The following MCC variants were observed in gnomAD, a reference collection of about 807,000 sequenced individuals.
MCC encodes the protein MCC regulator of Wnt signaling pathway.
In MCC, 90 loss-of-function variants were observed where a neutral mutation model predicts 116.2. That is an observed-to-expected ratio of 0.77 (90% CI 0.65 to 0.92). The LOEUF (loss-of-function observed/expected upper bound fraction) is 0.92. Among genes scored for constraint, MCC ranks in the 40% least tolerant of loss-of-function variants. The pLI, the probability that MCC is intolerant of heterozygous loss-of-function variation, is 0.00. For synonymous variants in MCC, 578 were observed against 510.5 expected (o/e 1.13, Z -1.78); for missense variants, 1,516 against 1,312.2 (o/e 1.16, Z -2.40).
chr5:113,408,503 T>G (rs1769896943), intron 1 of MCC, among the ~76,000 whole-genome samples: 1 of 152,210 alleles, frequency 6.6e-6, no homozygotes, highest in Non-Finnish European at 1.5e-5. Context: ...TGAATTATCC[T>G]CACTGGCCTG....
At chr5:113,249,642 G>A (rs1764718120) in intron 3 of MCC, among the ~76,000 whole-genome samples, 1 of 152,120 alleles carries the variant, frequency 6.6e-6, no homozygotes, top group Non-Finnish European at 1.5e-5. Context: ...AAATCTGGCT[G>A]TCTCTGTATA....
chr5:113,400,089 T>C (rs535852523), intron 1 of MCC: 1 of 152,050 alleles, frequency 6.6e-6, no homozygotes, highest in Non-Finnish European at 1.5e-5. Flanking sequence ...TTACTCTTTA[T>C]TGTTTTGGCC....
At chr5:113,161,037 A>C (rs1285968984) in intron 3 of MCC, among the ~76,000 whole-genome samples, 15 of 152,370 alleles carry the variant, frequency 9.8e-5, no homozygotes, top group African/African-American at 3.4e-4. Context: ...TTTCCTATAC[A>C]AATATTGTAA....
At position 113,027,084 on chromosome 5, in the gene MCC, G is replaced by T. The variant is rs2150204569; in HGVS notation, c.*218C>A. 1.8e-6 allele frequency: 1 copy of T among 561,272 alleles called. No individual in the cohort carries two copies. The highest frequency in any genetic ancestry group is 2.4e-5 in the South Asian group (1 of 41,558). The allele number at this position is 561,272 out of a possible 1,614,324, so 34.8% of individuals were successfully genotyped here. On this transcript the variant is annotated 3_prime_UTR_variant, in exon 19 of 19. Transcript: ENST00000408903. ...AACATGTGTTTACACGCTGTTGTGG[G>T]CCCAGGAGGGAAGAGCGGGCACCTC...
intron 3 of MCC, among the ~76,000 whole-genome samples, chr5:113,333,789 T>TTA (rs754947221): frequency 0.011 from 110 of 10,068 alleles, no homozygotes; most frequent in Middle Eastern, 0.17. Flanking sequence ...TCATATATAT[T>TTA]TATATATATA....
At chr5:113,388,582 C>CTGA (rs1769328964) in intron 1 of MCC, among the ~76,000 whole-genome samples, 1 of 152,168 alleles carries the variant, frequency 6.6e-6, no homozygotes, top group Non-Finnish European at 1.5e-5. Context: ...ACCTCCTCCC[C>CTGA]CACCTTGCTC....
At chr5:113,037,174 G>C (rs890835241) in intron 17 of MCC, among the ~76,000 whole-genome samples, 1 of 152,170 alleles carries the variant, frequency 6.6e-6, no homozygotes, top group Non-Finnish European at 1.5e-5. Flanking sequence ...CCCACTCTTT[G>C]TGTGGCTCAA....
At chr5:113,254,448 T>C (rs1000441485) in intron 3 of MCC, among the ~76,000 whole-genome samples, 1 of 152,182 alleles carries the variant, frequency 6.6e-6, no homozygotes, top group Non-Finnish European at 1.5e-5. Context: ...TCAAAAAGTT[T>C]GTATAATCAA....
intron 3 of MCC, among the ~76,000 whole-genome samples, chr5:113,334,611 G>A: frequency 1.3e-5 from 1 of 77,310 alleles, no homozygotes; most frequent in East Asian, 2.5e-4. Context: ...TTTTTTTTGA[G>A]ATGCAGTCTC....
chr5:113,361,907 A>T (rs1768557951), intron 2 of MCC, among the ~76,000 whole-genome samples: 1 of 152,110 alleles, frequency 6.6e-6, no homozygotes, highest in South Asian at 2.1e-4. Flanking sequence ...TTGGACTTGG[A>T]CTGAGAGTTA....
At chr5:113,137,432 T>C (rs1439224307) in intron 5 of MCC, among the ~76,000 whole-genome samples, 1 of 152,232 alleles carries the variant, frequency 6.6e-6, no homozygotes, top group Non-Finnish European at 1.5e-5. Context: ...CAAATGCTTT[T>C]CTGTCATCTA....
At chr5:113,277,772 T>A (rs1765883843) in intron 3 of MCC, among the ~76,000 whole-genome samples, 1 of 152,216 alleles carries the variant, frequency 6.6e-6, no homozygotes, top group African/African-American at 2.4e-5. Context: ...GATATTGGCA[T>A]CTACTGTGGA....
intron 5 of MCC, among the ~76,000 whole-genome samples, chr5:113,140,160 C>T (rs1447488871): frequency 6.6e-6 from 1 of 152,150 alleles, no homozygotes; most frequent in Non-Finnish European, 1.5e-5. Flanking sequence ...CTACTTATCT[C>T]TTTGGGACAT....
At chr5:113,115,640 T>C (rs7703001) in intron 6 of MCC, among the ~76,000 whole-genome samples, 144,057 of 152,038 alleles carry the variant, frequency 0.95, 68,663 homozygotes, top group East Asian at 1. Context: ...TAACTCCTAG[T>C]CATCCACCTC....
At chr5:113,133,012 T>G (rs58531861) in intron 5 of MCC, among the ~76,000 whole-genome samples, 15,069 of 152,134 alleles carry the variant, frequency 0.099, 1,008 homozygotes, top group African/African-American at 0.17. Flanking sequence ...TTCTTTTTTT[T>G]TTGTTTTTAC....
chr5:113,082,275 C>G (rs758328380), intron 11 of MCC, among the ~76,000 whole-genome samples: 1 of 152,240 alleles, frequency 6.6e-6, no homozygotes, highest in East Asian at 1.9e-4. Flanking sequence ...AGACTGAGCA[C>G]ATTTGCGAAG....
chr5:113,398,556 AC>A (rs1168360948), intron 1 of MCC, among the ~76,000 whole-genome samples: 1 of 152,208 alleles, frequency 6.6e-6, no homozygotes, highest in Non-Finnish European at 1.5e-5. Flanking sequence ...GAGGCCATTA[AC>A]CCAAGTGAAT....
intron 17 of MCC, among the ~76,000 whole-genome samples, chr5:113,037,818 G>A (rs1215860702): frequency 1.3e-5 from 2 of 152,164 alleles, no homozygotes; most frequent in East Asian, 1.9e-4. Flanking sequence ...ATAAAGCAAA[G>A]GGTGTGCTCT....
intron 3 of MCC, among the ~76,000 whole-genome samples, chr5:113,186,335 T>C (rs76906196): frequency 6.6e-6 from 1 of 152,106 alleles, no homozygotes; most frequent in South Asian, 2.1e-4. Context: ...ATTTGCAGTC[T>C]CCCTTACACC....
Sources: allele counts gnomAD v4.1 joint callset (sites outside exome capture counted in the v4.1 genomes callset), GRCh38; gene constraint gnomAD v4.1.1; transcripts MANE v1.5; gene names NCBI Gene and HGNC (gene_info 2026-07-23, HGNC 2026-07-21).